Variants in MAST2 observed in about 807,000 individuals in gnomAD.
MAST2 encodes the protein microtubule associated serine/threonine kinase 2.
MAST2 carries 70 observed loss-of-function variants against 147.4 expected under a neutral mutation model. The ratio of observed to expected loss-of-function variants is 0.47; its 90% CI spans 0.39 to 0.58. MAST2 has a LOEUF of 0.58. Among genes scored for constraint, MAST2 ranks in the 20% least tolerant of loss-of-function variants. The probability of loss-of-function intolerance (pLI) is 0.00; values close to 1 mark genes in which losing one functional copy is unlikely to be tolerated. For missense variants in MAST2, 2,080 were observed against 2,302.3 expected, an observed-to-expected ratio of 0.90 and a Z score of 1.98; for synonymous variants, 869 against 896.8, an observed-to-expected ratio of 0.97 and a Z score of 0.55.
At chr1:45,892,113 T>A (rs547872008) in intron 4 of MAST2, among the ~76,000 whole-genome samples, 1 of 152,336 alleles carries the variant, frequency 6.6e-6, no homozygotes, top group Non-Finnish European at 1.5e-5. Context: ...TAAGCATGAT[T>A]CTCAAATGTG....
chr1:45,884,314 G>A (rs1378904686), intron 4 of MAST2, among the ~76,000 whole-genome samples: 1 of 152,118 alleles, frequency 6.6e-6, no homozygotes, highest in Non-Finnish European at 1.5e-5. Flanking sequence ...TTGGGAGGCT[G>A]AGGTAGGTGG....
At chr1:45,921,415 G>A (rs1335568240) in intron 4 of MAST2, among the ~76,000 whole-genome samples, 1 of 152,092 alleles carries the variant, frequency 6.6e-6, no homozygotes, top group Non-Finnish European at 1.5e-5. Context: ...CAGGCCTGCT[G>A]GGCCCAGTTG....
intron 3 of MAST2, among the ~76,000 whole-genome samples, chr1:45,840,078 A>AT (rs1645227049): frequency 6.6e-6 from 1 of 152,246 alleles, no homozygotes; most frequent in Non-Finnish European, 1.5e-5. Flanking sequence ...TGGAGTAAAA[A>AT]AAGCTTAACC....
At chr1:45,872,966 A>T (rs1024189282) in intron 3 of MAST2, among the ~76,000 whole-genome samples, 14 of 152,180 alleles carry the variant, frequency 9.2e-5, no homozygotes, top group African/African-American at 3.4e-4. Context: ...TCTTTGGGAA[A>T]TATCATCATT....
intron 18 of MAST2, chr1:46,029,149 C>G: frequency 3.5e-6 from 2 of 572,744 alleles, no homozygotes; most frequent in East Asian, 5.8e-5. Flanking sequence ...TCATAGACAC[C>G]TGGTCTCTCA....
intron 3 of MAST2, among the ~76,000 whole-genome samples, chr1:45,879,609 T>C (rs1043625124): frequency 6.8e-6 from 1 of 147,736 alleles, no homozygotes; most frequent in Non-Finnish European, 1.5e-5. Flanking sequence ...CCAATAACTT[T>C]AGTAGGCAAG....
rs768825430 is a variant in MAST2 at position 46,031,494 on chromosome 1, T to C, written c.3096T>C (p.Ser1032=). 17 of 1,614,048 alleles carry C rather than the reference T, an allele frequency of 1.1e-5. No individual in the cohort carries two copies. Among genetic ancestry groups the C allele is most frequent in the Non-Finnish European group, 1.3e-5 (15 of 1,180,034 alleles). The part of the protein sequence containing the change: ...AVRRARHRLL[S]GDSTEKRTAR... ...GTAGGGCCCGCCACCGGCTGCTCTC[T>C]GGGGACTCAACAGAGAAGCGCACTG... Residue 1032 remains serine, a synonymous_variant, in exon 24 of 29, where the codon TCT becomes TCC. Coordinates refer to ENST00000361297, the MANE Select transcript of MAST2 (RefSeq NM_015112.3). This position sits in a 1 kb window ranked among gnomAD's most constrained non-coding sequence, Gnocchi z 4.1.
intron 5 of MAST2, among the ~76,000 whole-genome samples, chr1:45,975,633 C>T (rs1421493594): frequency 6.7e-6 from 1 of 149,238 alleles, no homozygotes; most frequent in African/African-American, 2.5e-5. Context: ...GGTCACGCCA[C>T]TGCACTGCTC....
chr1:46,015,570 T>C (rs1645900455), intron 10 of MAST2, among the ~76,000 whole-genome samples: 2 of 151,912 alleles, frequency 1.3e-5, no homozygotes, highest in Non-Finnish European at 2.9e-5. Context: ...AACTAGAAAA[T>C]CTAGAAGAAA....
chr1:45,909,854 C>T (rs1651394107), intron 4 of MAST2, among the ~76,000 whole-genome samples: 1 of 151,124 alleles, frequency 6.6e-6, no homozygotes, highest in South Asian at 2.1e-4. Flanking sequence ...GCTCTGTCGA[C>T]CAGGCTGGAG....
chr1:45,886,493 A>G (rs1334896266), intron 4 of MAST2, among the ~76,000 whole-genome samples: 1 of 151,930 alleles, frequency 6.6e-6, no homozygotes, highest in Non-Finnish European at 1.5e-5. Flanking sequence ...CATACCATTT[A>G]TTTTAGATGT....
chr1:45,971,578 A>G (rs191995673), intron 5 of MAST2, among the ~76,000 whole-genome samples: 1 of 152,340 alleles, frequency 6.6e-6, no homozygotes, highest in Non-Finnish European at 1.5e-5. Context: ...TTCTTTCTGC[A>G]GTGTGCCTCC....
At chr1:45,982,276 T>G (rs1020917281) in intron 5 of MAST2, among the ~76,000 whole-genome samples, 1 of 152,232 alleles carries the variant, frequency 6.6e-6, no homozygotes, top group African/African-American at 2.4e-5. Context: ...GGTCCAGATG[T>G]AGGCACAGAG....
At chr1:45,875,029 G>C (rs1053952014) in intron 3 of MAST2, among the ~76,000 whole-genome samples, 10 of 152,230 alleles carry the variant, frequency 6.6e-5, no homozygotes, top group Non-Finnish European at 2.9e-5. Flanking sequence ...AATAAGACTG[G>C]AGAATTATGC....
chr1:45,904,156 G>A (rs1650260685), intron 4 of MAST2, among the ~76,000 whole-genome samples: 1 of 150,716 alleles, frequency 6.6e-6, no homozygotes, highest in African/African-American at 2.4e-5. Flanking sequence ...GTGTGCCACT[G>A]CACCCAGCTA....
Position 46,010,876 on chromosome 1 carries a change from T to G in MAST2, c.1125T>G (p.Ser375Arg). The change falls in exon 10 of 29, where the codon AGT becomes AGG. Residue 375 changes from serine to arginine, a missense_variant. Transcript: ENST00000361297. ...GAGACTGCCTGGATAAATCTCGGAG[T>G]GGCCTCATTACATCACAATACTTCT... ...MARDCLDKSR[S>R]GLITSQYFYE... The G allele has an allele frequency of 3.1e-6, 5 of 1,614,130 alleles. No individual in the cohort carries two copies. The highest frequency in any genetic ancestry group is 3.4e-6 in the Non-Finnish European group (4 of 1,180,028).
rs1646839890 is a variant in MAST2 at position 46,034,943 on chromosome 1, C to T, written c.4274C>T (p.Ser1425Phe). Residue 1425 changes from serine to phenylalanine, a missense_variant, in exon 29 of 29, where the codon TCT (serine) becomes TTT (phenylalanine). Ser to Phe is a radical substitution (Grantham distance 155). This residue lies in a region of MAST2 where 1,278 missense variants were observed against 1,304.2 expected (regional missense o/e 0.98). Coordinates refer to ENST00000361297, the MANE Select transcript of MAST2 (RefSeq NM_015112.3). Reference sequence around the variant, plus strand: ...GCCTCTGAGAAGAAGCTAGCCACTTCTCGCAAGCACAGCCTTGACCTGCCC... The same window carrying T: ...GCCTCTGAGAAGAAGCTAGCCACTTTTCGCAAGCACAGCCTTGACCTGCCC... ...LAASEKKLAT[S>F]RKHSLDLPHS... is the part of the protein sequence containing the mutation. 8.1e-6 allele frequency: 13 copies of T among 1,614,160 alleles called. No homozygotes were observed. Among genetic ancestry groups the T allele is most frequent in the Non-Finnish European group, 1.1e-5 (13 of 1,180,038 alleles).
At chr1:45,830,243 C>T (rs939239057) in intron 3 of MAST2, among the ~76,000 whole-genome samples, 6 of 135,428 alleles carry the variant, frequency 4.4e-5, no homozygotes, top group Non-Finnish European at 7.6e-5. Flanking sequence ...AGTGCAATCT[C>T]GGCTCACTGC....
chr1:46,023,103 C>A lies in MAST2; in HGVS notation c.1486-130C>A. On this transcript the variant is annotated intron_variant, in intron 13 of 28. Transcript: ENST00000361297. This position sits in a 1 kb window ranked among gnomAD's most constrained non-coding sequence, Gnocchi z 4.9. Reference sequence around the variant, plus strand: ...TGACAGCAAACACTGAGAAGTCATTCTACTCCCAGAAGAATGAGCAGGAGA... The same window carrying A: ...TGACAGCAAACACTGAGAAGTCATTATACTCCCAGAAGAATGAGCAGGAGA... 8.4e-7 allele frequency: 1 copy of A among 1,190,142 alleles called. No individual in the cohort carries two copies. Among genetic ancestry groups the A allele is most frequent in the Non-Finnish European group, 1.2e-6 (1 of 801,250 alleles). The allele number at this position is 1,190,142 out of a possible 1,614,324, so 73.7% of individuals were successfully genotyped here.
Sources: allele counts gnomAD v4.1 joint callset (sites outside exome capture counted in the v4.1 genomes callset), GRCh38; gene constraint gnomAD v4.1.1; regional missense constraint gnomAD v4.1.1; non-coding constraint Gnocchi (gnomAD v3.1); transcripts MANE v1.5; gene names NCBI Gene and HGNC (gene_info 2026-07-23, HGNC 2026-07-21).